RNLS: variants seen among roughly 807,000 people sequenced by gnomAD.
The protein encoded by RNLS is renalase, FAD dependent amine oxidase, also known as renalase.
In RNLS, 39 loss-of-function variants were observed where a neutral mutation model predicts 39.8. The ratio of observed to expected loss-of-function variants is 0.98; its 90% confidence interval spans 0.76 to 1.28. The LOEUF (loss-of-function observed/expected upper bound fraction) is 1.28, where lower values mean the gene tolerates loss of function less well. Among genes scored for constraint, RNLS ranks in the 50% most tolerant of loss-of-function variants. The pLI is 0.00. For missense variants in RNLS, 410 were observed against 413.3 expected, an observed-to-expected ratio of 0.99 and a Z score of 0.07; for synonymous variants, 147 against 150.7, an observed-to-expected ratio of 0.98 and a Z score of 0.18.
rs869175046 is a variant in RNLS, at chr10:88,548,261, C to CAA, written c.526+24640_526+24641dup. Among the ~76,000 whole-genome samples, 124 of 32,402 alleles carry CAA rather than the reference C, an allele frequency of 3.8e-3. 3 individuals are homozygous for CAA. Among genetic ancestry groups the CAA allele is most frequent in the Non-Finnish European group, 4.8e-3 (105 of 21,750 alleles). 21.3% of individuals were successfully genotyped at this position (32,402 alleles called of 152,430 possible). On this transcript the variant is annotated intron_variant, in intron 4 of 6. Coordinates refer to ENST00000331772, the MANE Select transcript of RNLS (RefSeq NM_001031709.3). ...TGGGCGACAGAGCAAGACTCCGTCT[C>CAA]AAAAAAAAAAAAAAAAAAAAAAAAA...
chr10:88,405,762 G>A (rs2133669359), intron 4 of RNLS, among the ~76,000 whole-genome samples: 2 of 151,622 alleles, frequency 1.3e-5, no homozygotes, highest in South Asian at 4.2e-4. Context: ...GTGTGCTTTG[G>A]GTTTATTTTT....
chr10:88,444,033 T>A (rs1375788073), intron 4 of RNLS, among the ~76,000 whole-genome samples: 1 of 152,172 alleles, frequency 6.6e-6, no homozygotes, highest in Non-Finnish European at 1.5e-5. Context: ...CTCAAGTAGG[T>A]CTCTGAACCC....
the RNLS span, among the ~76,000 whole-genome samples, chr10:88,255,877 A>G: frequency 6.6e-6 from 1 of 152,352 alleles, no homozygotes; most frequent in South Asian, 2.1e-4. Flanking sequence ...ATGCCAACCC[A>G]GTGGAGGGAA....
chr10:88,312,593 G>A (rs1033743211), intron 6 of RNLS, among the ~76,000 whole-genome samples: 2 of 152,138 alleles, frequency 1.3e-5, no homozygotes, highest in African/African-American at 4.8e-5. Flanking sequence ...TAGCTGTGGG[G>A]ATTGAAGGAA....
At chr10:88,512,616 G>A (rs943951755) in intron 4 of RNLS, among the ~76,000 whole-genome samples, 3 of 152,088 alleles carry the variant, frequency 2.0e-5, no homozygotes, top group Non-Finnish European at 2.9e-5. Flanking sequence ...GTAAGACAGA[G>A]TACACATTTC....
At chr10:88,243,274 G>A in the RNLS span, among the ~76,000 whole-genome samples, 1 of 152,330 alleles carries the variant, frequency 6.6e-6, no homozygotes, top group Non-Finnish European at 1.5e-5. Flanking sequence ...TTCAATGTCA[G>A]CTTAATTAAA....
chr10:88,582,332 T>C, intron 1 of RNLS, 25 bp from the exon 2 acceptor site: 1 of 1,577,938 alleles, frequency 6.3e-7, no homozygotes, highest in East Asian at 2.2e-5. Context: ...CAGGAAAATG[T>C]CTTACTGCAT....
intron 6 of RNLS, among the ~76,000 whole-genome samples, chr10:88,290,343 A>G (rs1038796197): frequency 6.6e-6 from 1 of 152,192 alleles, no homozygotes; most frequent in African/African-American, 2.4e-5. Flanking sequence ...ACATGGCAAC[A>G]GGTGACATTC....
chr10:88,442,047 G>A (rs1371154752), intron 4 of RNLS, among the ~76,000 whole-genome samples: 1 of 152,186 alleles, frequency 6.6e-6, no homozygotes, highest in African/African-American at 2.4e-5. Flanking sequence ...CACGACAGGA[G>A]GCTGGGAACA....
the RNLS span, among the ~76,000 whole-genome samples, chr10:88,179,559 C>A: frequency 6.6e-6 from 1 of 152,166 alleles, no homozygotes; most frequent in Non-Finnish European, 1.5e-5. Flanking sequence ...TCATTCAAAC[C>A]TCAGAATAGT....
chr10:88,575,021 G>A (rs1286342237), intron 3 of RNLS, among the ~76,000 whole-genome samples: 1 of 150,970 alleles, frequency 6.6e-6, no homozygotes, highest in Non-Finnish European at 1.5e-5. Context: ...GGTGGTATGA[G>A]TGTGTGTTTA....
chr10:88,275,072 C>A (rs377474254), intron 6 of RNLS: 2 of 1,437,312 alleles, frequency 1.4e-6, no homozygotes, highest in African/African-American at 1.4e-5. Flanking sequence ...CAGTGCCACC[C>A]AACACAATGG....
intron 4 of RNLS, among the ~76,000 whole-genome samples, chr10:88,428,423 G>A (rs566388369): frequency 5.9e-5 from 9 of 151,996 alleles, no homozygotes; most frequent in South Asian, 4.1e-4. Flanking sequence ...TTCTGTTAAC[G>A]ACACTCTACT....
At chr10:88,560,756 G>T (rs753081535) in intron 4 of RNLS, among the ~76,000 whole-genome samples, 16 of 152,082 alleles carry the variant, frequency 1.1e-4, no homozygotes, top group Middle Eastern at 6.8e-3. Flanking sequence ...AACAGCAACA[G>T]AAAGGTTCAT....
chr10:88,409,311 C>T (rs1853506920), intron 4 of RNLS, among the ~76,000 whole-genome samples: 2 of 152,136 alleles, frequency 1.3e-5, no homozygotes, highest in Admixed American at 1.3e-4. Flanking sequence ...CAAGAACACA[C>T]ATCTAAAAGC....
chr10:88,432,328 C>T (rs879529871), intron 4 of RNLS, among the ~76,000 whole-genome samples: 10 of 151,710 alleles, frequency 6.6e-5, no homozygotes, highest in Non-Finnish European at 1.5e-4. Flanking sequence ...ATCCTTTTTA[C>T]TTTTAATCTA....
intron 4 of RNLS, among the ~76,000 whole-genome samples, chr10:88,482,413 A>G (rs978202434): frequency 6.6e-6 from 1 of 152,050 alleles, no homozygotes; most frequent in Non-Finnish European, 1.5e-5. Context: ...CTCTCCTATC[A>G]TCTCAAATCT....
intron 6 of RNLS, chr10:88,309,259 G>C (rs962885541): frequency 4.3e-6 from 1 of 233,688 alleles, no homozygotes; most frequent in Non-Finnish European, 7.0e-6. Context: ...ACCTGCACGC[G>C]TACCCCTGAA....
At chr10:88,553,135 A>G (rs1289146369) in intron 4 of RNLS, among the ~76,000 whole-genome samples, 1 of 152,214 alleles carries the variant, frequency 6.6e-6, no homozygotes, top group Non-Finnish European at 1.5e-5. Flanking sequence ...GTGTTTATGT[A>G]TTTCTTAAGC....
Sources: gnomAD v4.1 joint callset for allele counts (sites outside exome capture counted in the v4.1 genomes callset) on GRCh38, gnomAD v4.1.1 for gene constraint, MANE v1.5 for transcripts, NCBI Gene and HGNC (gene_info 2026-07-23, HGNC 2026-07-21) for gene names.